Variants in ABCA4 observed in about 807,000 individuals in gnomAD.
ABCA4 encodes retinal-specific phospholipid-transporting ATPase ABCA4.
ABCA4 carries 196 observed loss-of-function variants against 263.7 expected under a neutral mutation model. That is an observed-to-expected ratio of 0.74 (90% CI 0.66 to 0.84). The LOEUF is 0.84. ABCA4 is among the 40% of genes least tolerant of loss of function. The pLI, the probability that ABCA4 is intolerant of heterozygous loss-of-function variation, is 0.00. For missense variants in ABCA4, 2,792 were observed against 2,855.1 expected (o/e 0.98, Z 0.50); for synonymous variants, 1,133 against 1,094.2 (o/e 1.04, Z -0.70).
chr1:94,002,795 C>T (rs1024007236), intron 44 of ABCA4, among the ~76,000 whole-genome samples: 2 of 152,188 alleles, frequency 1.3e-5, no homozygotes, highest in African/African-American at 2.4e-5. Flanking sequence ...AGCAGTTCCT[C>T]CCTGCGTTAC....
Position 94,098,976 on chromosome 1 carries a change from G to C in ABCA4, c.586C>G (p.Pro196Ala). Residue 196 changes from proline to alanine, a missense_variant, in exon 6 of 50, where the codon CCG becomes GCG. Physicochemically the swap from Pro to Ala is conservative, Grantham distance 27. Coordinates refer to ENST00000370225, the MANE Select transcript of ABCA4 (RefSeq NM_000350.3). ...VRPEQFAHGV[P>A]DLALKDIACS... ...GCGATGTCCTTCAGCGCCAGGTCCG[G>C]GACTCCATGAGCGAACTGCAGGGAG... 6 of 1,609,048 alleles carry C rather than the reference G, an allele frequency of 3.7e-6. No individual in the cohort carries two copies. The highest frequency in any genetic ancestry group is 8.5e-7 in the Non-Finnish European group (1 of 1,179,876).
intron 3 of ABCA4, among the ~76,000 whole-genome samples, chr1:94,111,114 C>A (rs1662588055): frequency 6.6e-6 from 1 of 152,178 alleles, no homozygotes; most frequent in South Asian, 2.1e-4. Context: ...TACAATGATT[C>A]ACTCCACCCA....
intron 1 of ABCA4, among the ~76,000 whole-genome samples, chr1:94,114,509 C>T (rs11805421): frequency 0.067 from 10,185 of 151,528 alleles, 703 homozygotes; most frequent in African/African-American, 0.17. Flanking sequence ...CTTTTTGAGA[C>T]GGAGTCTCAC....
At position 94,121,115 on chromosome 1, in the gene ABCA4, G is replaced by T; in HGVS notation, c.-70C>A. 2.1e-6 allele frequency: 3 copies of T among 1,437,790 alleles called. No individual in the cohort carries two copies. The highest frequency in any genetic ancestry group is 2.9e-6 in the Non-Finnish European group (3 of 1,019,632). 89.1% of individuals were successfully genotyped at this position (1,437,790 alleles called of 1,614,324 possible). On this transcript the variant is annotated 5_prime_UTR_variant, in exon 1 of 50. Coordinates refer to ENST00000370225, the MANE Select transcript of ABCA4 (RefSeq NM_000350.3). Reference sequence around the variant, plus strand: ...TCAGACAGCAAAGGACATAAACGCCGTTAAGAGCGCCTCTGGCTCCGGACG... The same window carrying T: ...TCAGACAGCAAAGGACATAAACGCCTTTAAGAGCGCCTCTGGCTCCGGACG...
intron 6 of ABCA4, among the ~76,000 whole-genome samples, chr1:94,094,085 G>A (rs766124760): frequency 6.6e-6 from 1 of 152,216 alleles, no homozygotes; most frequent in Non-Finnish European, 1.5e-5. Flanking sequence ...GAATGAGGAA[G>A]TCATGACATC....
intron 17 of ABCA4, among the ~76,000 whole-genome samples, chr1:94,050,825 A>G (rs1660822769): frequency 1.3e-5 from 2 of 152,270 alleles, no homozygotes; most frequent in African/African-American, 4.8e-5. Flanking sequence ...GAAAACAAAC[A>G]TCCATCTCAG....
chr1:94,031,908 G>T lies in ABCA4; in HGVS notation c.3998C>A (p.Pro1333His). 1 of 1,614,164 alleles carries T rather than the reference G, an allele frequency of 6.2e-7. No homozygotes were observed. The highest frequency in any genetic ancestry group is 8.5e-7 in the Non-Finnish European group (1 of 1,180,020). The change falls in exon 27 of 50, where the codon CCT (proline) becomes CAT (histidine). Residue 1333 changes from proline to histidine, a missense_variant. Transcript: ENST00000370225. ...GCCTGGGCACTCTGGCTCTGGGGGAGGCTGGCCCTCTGGGTGAGCAGCCGG... is the reference window on the plus strand; with the variant it reads ...GCCTGGGCACTCTGGCTCTGGGGGATGCTGGCCCTCTGGGTGAGCAGCCGG... ...GAPAAHPEGQ[P>H]PPEPECPGPQ...
intron 3 of ABCA4, among the ~76,000 whole-genome samples, chr1:94,109,487 A>C (rs4147812): frequency 0.33 from 50,387 of 152,166 alleles, 9,311 homozygotes; most frequent in Admixed American, 0.43. Context: ...GGGAGAATAA[A>C]GCTGGGTCAA....
intron 36 of ABCA4, chr1:94,018,522 T>C (rs780006158): frequency 1.8e-5 from 8 of 454,660 alleles, no homozygotes; most frequent in Non-Finnish European, 3.5e-5. Context: ...TGATAGCTGC[T>C]TACTAAGCTG....
intron 1 of ABCA4, among the ~76,000 whole-genome samples, chr1:94,119,108 C>T (rs780857005): frequency 1.2e-4 from 18 of 152,046 alleles, no homozygotes; most frequent in Admixed American, 6.5e-5. Flanking sequence ...GAACCTAGCA[C>T]GGTGCCTGGA....
At position 94,008,772 on chromosome 1, in the gene ABCA4, T is replaced by C. The variant is rs4147857; in HGVS notation, c.5814A>G (p.Leu1938=). 0.19 allele frequency: 304,680 copies of C among 1,613,452 alleles called. 29,638 individuals carry two copies. The highest frequency in any genetic ancestry group is 0.24 in the African/African-American group (18,260 of 74,882). Residue 1938 remains leucine (L), a synonymous_variant, in exon 41 of 50, where the codon TTA becomes TTG. Transcript: ENST00000370225. The stretch of plus-strand genomic sequence containing the variant: ...TTACCTTGGTTAGTTCATGTAGCCT[T>C]AAGATGTCAGTTTTATTTCCACCAG... ...IITGGNKTDI[L]RLHELTKIYP... is the part of the protein sequence containing the mutation.
At position 94,031,898 on chromosome 1, in the gene ABCA4, C is replaced by T. The variant is rs772961093; in HGVS notation, c.4008G>A (p.Glu1336=). ...AAHPEGQPPP[E]PECPGPQLNT... ...TGAGCTGCGGGCCTGGGCACTCTGG[C>T]TCTGGGGGAGGCTGGCCCTCTGGGT... is the stretch of plus-strand genomic sequence containing the variant. The change falls in exon 27 of 50, where the codon GAG becomes GAA. Residue 1336 remains glutamate, a synonymous_variant. Coordinates refer to ENST00000370225, the MANE Select transcript of ABCA4 (RefSeq NM_000350.3). 5.6e-6 allele frequency: 9 copies of T among 1,614,156 alleles called. No homozygotes were observed. The South Asian group carries it at 7.7e-5, about 14-fold the overall frequency.
In ABCA4 at chr1:94,001,961, A is replaced by C. The variant is rs61753039; in HGVS notation, c.6179T>G (p.Leu2060Arg). 1.2e-6 allele frequency: 2 copies of C among 1,614,210 alleles called. No homozygotes were observed. Among genetic ancestry groups the C allele is most frequent in the Non-Finnish European group, 1.7e-6 (2 of 1,180,028 alleles). ...AGCCAGGCAGTCGGCGTAGACAGTCAGGCCCAGGCTCTTAATACTCCAGTT... is the reference window on the plus strand; with the variant it reads ...AGCCAGGCAGTCGGCGTAGACAGTCCGGCCCAGGCTCTTAATACTCCAGTT... Reference protein sequence around the residue: ...VANWSIKSLGLTVYADCLAGT... With the variant: ...VANWSIKSLGRTVYADCLAGT... Residue 2060 changes from leucine (L) to arginine (R), a missense_variant, in exon 45 of 50, where the codon CTG (leucine) becomes CGG (arginine). Leu to Arg is a moderately radical substitution (Grantham distance 102). Coordinates refer to ENST00000370225, the MANE Select transcript of ABCA4 (RefSeq NM_000350.3).
chr1:94,046,310 A>G (rs1482144101), intron 19 of ABCA4, among the ~76,000 whole-genome samples: 1 of 145,016 alleles, frequency 6.9e-6, no homozygotes, highest in Non-Finnish European at 1.5e-5. Context: ...AAAAATACAA[A>G]AATTAGCTGG....
In ABCA4 at chr1:94,116,326, T is replaced by C. The variant is rs147449223; in HGVS notation, c.67-3260A>G. Among the ~76,000 whole-genome samples, 814 of 152,160 alleles carry C rather than the reference T, an allele frequency of 5.3e-3. 5 individuals are homozygous for C. Among genetic ancestry groups the C allele is most frequent in the African/African-American group, 0.019 (775 of 41,498 alleles). ...CTGTTGATTAGGTCAGCACTTCTCA[T>C]GTGGCTGCAGGCTGAAAACATGCCG... On this transcript the variant is annotated intron_variant, in intron 1 of 49. Coordinates refer to ENST00000370225, the MANE Select transcript of ABCA4 (RefSeq NM_000350.3).
rs572064958 is a variant in ABCA4, at chr1:94,057,703, C to G, written c.2161-881G>C. Among the ~76,000 whole-genome samples the G allele has an allele frequency of 9.9e-4, 151 of 152,342 alleles. 1 individual carries two copies. Among genetic ancestry groups the G allele is most frequent in the Middle Eastern group, 6.8e-3 (2 of 294 alleles). ...GTAACTTTCACATTAACCAATGAAT[C>G]AATCACTTTGGCTATGTAGAAAATA... On this transcript the variant is annotated intron_variant, in intron 14 of 49. Coordinates refer to ENST00000370225, the MANE Select transcript of ABCA4 (RefSeq NM_000350.3).
At chr1:94,015,677 TC>T (rs34498728) in intron 37 of ABCA4, 61 bp downstream of exon 37, 1 of 1,382,570 alleles carries the variant, frequency 7.2e-7, no homozygotes, top group African/African-American at 1.4e-5. Context: ...CAGGAGATGA[TC>T]CCCCACCCCC....
intron 4 of ABCA4, among the ~76,000 whole-genome samples, chr1:94,105,647 A>AG (rs917698089): frequency 1.4e-4 from 2 of 14,548 alleles, no homozygotes; most frequent in South Asian, 3.7e-3. Flanking sequence ...CCAGGAGCTG[A>AG]GGGTGGGGGT....
At chr1:94,070,864 A>G (rs1354470953) in intron 11 of ABCA4, among the ~76,000 whole-genome samples, 1 of 152,190 alleles carries the variant, frequency 6.6e-6, no homozygotes, top group Non-Finnish European at 1.5e-5. Flanking sequence ...CTTAACAGCA[A>G]TGAGGAGTCA....
Sources: gnomAD v4.1 joint callset for allele counts (sites outside exome capture counted in the v4.1 genomes callset) on GRCh38, gnomAD v4.1.1 for gene constraint, MANE v1.5 for transcripts, NCBI Gene and HGNC (gene_info 2026-07-23, HGNC 2026-07-21) for gene names.